Variants in LHPP observed in about 807,000 individuals in gnomAD.
LHPP encodes phospholysine phosphohistidine inorganic pyrophosphate phosphatase, also known as hLHPP.
A neutral mutation model predicts 30.3 loss-of-function variants in LHPP; 24 were observed. That is an observed-to-expected ratio of 0.79 (90% confidence interval 0.57 to 1.11). LHPP has a LOEUF of 1.11. Among genes scored for constraint, LHPP ranks in the 50% most tolerant of loss-of-function variants. The pLI is 0.00. For synonymous variants in LHPP, 150 were observed against 157.1 expected (o/e 0.95, Z 0.34); for missense variants, 356 against 367.2 (o/e 0.97, Z 0.25).
At chr10:124,473,255 A>G (rs1272646094) in intron 1 of LHPP, among the ~76,000 whole-genome samples, 1 of 152,208 alleles carries the variant, frequency 6.6e-6, no homozygotes, top group African/African-American at 2.4e-5. Flanking sequence ...ATATTGGCAA[A>G]GCAGTGCCAC....
intron 6 of LHPP, among the ~76,000 whole-genome samples, chr10:124,527,241 G>A (rs1954765601): frequency 6.6e-6 from 1 of 152,224 alleles, no homozygotes; most frequent in African/African-American, 2.4e-5. Flanking sequence ...GCTGTGTTCT[G>A]ATGCATCAGG....
chr10:124,572,807 T>G (rs1453694310), intron 6 of LHPP, among the ~76,000 whole-genome samples: 1 of 152,204 alleles, frequency 6.6e-6, no homozygotes, highest in Admixed American at 6.5e-5. Flanking sequence ...GGGCGTCATT[T>G]CATCACTGCA....
intron 5 of LHPP, among the ~76,000 whole-genome samples, chr10:124,513,073 AGTTTGTTTGTTT>A (rs113429645): frequency 7.2e-4 from 109 of 151,334 alleles, no homozygotes; most frequent in African/African-American, 2.5e-3. Context: ...GAAGACATGT[AGTTTGTTTGTTT>A]GTTTGTTTGT....
intron 6 of LHPP, among the ~76,000 whole-genome samples, chr10:124,557,083 G>A (rs58382991): frequency 0.051 from 7,763 of 152,148 alleles, 290 homozygotes; most frequent in African/African-American, 0.086. Flanking sequence ...CCAACTCCTC[G>A]AAGTGTTGAG....
At chr10:124,608,263 C>T (rs943330509) in intron 6 of LHPP, among the ~76,000 whole-genome samples, 5 of 152,106 alleles carry the variant, frequency 3.3e-5, no homozygotes, top group Admixed American at 1.3e-4. Flanking sequence ...TGTGTCCGTC[C>T]GTCTGCCTGT....
chr10:124,509,256 A>C (rs1954241191), intron 5 of LHPP, among the ~76,000 whole-genome samples: 1 of 152,056 alleles, frequency 6.6e-6, no homozygotes, highest in Non-Finnish European at 1.5e-5. Context: ...CACTTTAACG[A>C]AGCAGTTTTC....
rs1411695275 is a variant in LHPP, at chr10:124,488,422, G to A, written c.314G>A (p.Gly105Glu). 1 of 1,613,762 alleles carries A rather than the reference G, an allele frequency of 6.2e-7. No individual in the cohort carries two copies. Among genetic ancestry groups the A allele is most frequent in the African/African-American group, 1.3e-5 (1 of 74,892 alleles). The change falls in exon 3 of 7, where the codon GGA becomes GAA. Residue 105 changes from glycine (G) to glutamate (E), a missense_variant and splice_region_variant. Physicochemically the swap from Gly to Glu is moderately conservative, Grantham distance 98. Transcript: ENST00000368842. ...ACTCTGTCTCTCTCTCTCTTTCCAG[G>A]AGTCCGCTCAGAATTTGATCAGATC... ...GLRPYLLIHD[G>E]VRSEFDQIDT...
At chr10:124,578,942 C>T (rs1948707834) in intron 6 of LHPP, among the ~76,000 whole-genome samples, 1 of 141,936 alleles carries the variant, frequency 7.0e-6, no homozygotes, top group South Asian at 2.4e-4. Flanking sequence ...GAAGGGATTC[C>T]CAGGGGCAGG....
chr10:124,485,465 CGT>C (rs1253053944), intron 2 of LHPP, among the ~76,000 whole-genome samples: 1 of 151,876 alleles, frequency 6.6e-6, no homozygotes, highest in Non-Finnish European at 1.5e-5. Flanking sequence ...ATCCTGCATC[CGT>C]GTTTTCAATA....
chr10:124,494,700 A>G (rs1953653083), intron 3 of LHPP, among the ~76,000 whole-genome samples: 1 of 152,052 alleles, frequency 6.6e-6, no homozygotes, highest in Non-Finnish European at 1.5e-5. Context: ...CTTTTAGCTC[A>G]GGTCTCAGCT....
rs1302752342 is a variant in LHPP, at chr10:124,492,744, C to T, written c.467+4169C>T. Among the ~76,000 whole-genome samples, 5 of 152,204 alleles carry T rather than the reference C, an allele frequency of 3.3e-5. No homozygotes were observed. The East Asian group carries it at 5.8e-4, about 18-fold the overall frequency. ...AACTTACACCCATTGCAATTTAGGTCGCTGCTATGGAGCAAGCCACAGAAC... is the reference window on the plus strand; with the variant it reads ...AACTTACACCCATTGCAATTTAGGTTGCTGCTATGGAGCAAGCCACAGAAC... On this transcript the variant is annotated intron_variant, in intron 3 of 6. Transcript: ENST00000368842.
intron 6 of LHPP, among the ~76,000 whole-genome samples, chr10:124,599,877 G>A (rs1948999497): frequency 6.6e-6 from 1 of 152,212 alleles, no homozygotes; most frequent in African/African-American, 2.4e-5. Context: ...GGTCCCAACT[G>A]GGTCCCCCAG....
chr10:124,531,539 C>G (rs1954903201), intron 6 of LHPP, among the ~76,000 whole-genome samples: 1 of 152,240 alleles, frequency 6.6e-6, no homozygotes. Context: ...CTCTGGACTC[C>G]GTCCTGGAGC....
In LHPP at chr10:124,513,136, C is replaced by A. The variant is rs575825567; in HGVS notation, c.625-4044C>A. Reference sequence around the variant, plus strand: ...CAGAGTTTTGCTCTTCTCGCCCAGGCTGGAGTGCAATGGTTGCAATCTTGG... The same window carrying A: ...CAGAGTTTTGCTCTTCTCGCCCAGGATGGAGTGCAATGGTTGCAATCTTGG... On this transcript the variant is annotated intron_variant, in intron 5 of 6. Transcript: ENST00000368842. 2.6e-5 allele frequency among the ~76,000 whole-genome samples: 4 copies of A among 152,294 alleles called. No individual in the cohort carries two copies. The East Asian group carries it at 5.8e-4, about 22-fold the overall frequency.
At chr10:124,467,915 G>C (rs542554326) in intron 1 of LHPP, among the ~76,000 whole-genome samples, 61 of 152,198 alleles carry the variant, frequency 4.0e-4, no homozygotes, top group African/African-American at 1.5e-3. Flanking sequence ...TCACCATGTT[G>C]ACCAGGCTGG....
At chr10:124,499,002 C>T (rs1389937654) in intron 5 of LHPP, among the ~76,000 whole-genome samples, 1 of 151,854 alleles carries the variant, frequency 6.6e-6, no homozygotes, top group Non-Finnish European at 1.5e-5. Context: ...CTGCCTCAGC[C>T]TCCTGATGAG....
At chr10:124,556,851 G>C (rs972198429) in intron 6 of LHPP, among the ~76,000 whole-genome samples, 5 of 151,988 alleles carry the variant, frequency 3.3e-5, no homozygotes, top group African/African-American at 1.2e-4. Context: ...AGTCTTTTTT[G>C]TATGTTTTTT....
Position 124,478,159 on chromosome 10 carries a change from A to G in LHPP, c.126-5980A>G, listed in dbSNP as rs560998354. Among the ~76,000 whole-genome samples the G allele has an allele frequency of 6.6e-6, 1 of 152,346 alleles. No homozygotes were observed. Among genetic ancestry groups the G allele is most frequent in the Admixed American group, 6.5e-5 (1 of 15,310 alleles). On this transcript the variant is annotated intron_variant, in intron 1 of 6. Transcript: ENST00000368842. The surrounding 1 kb of genome is among the most constrained non-coding windows in gnomAD (Gnocchi z 4.7). ...GCAGGAGGAGGGAGGTGGTGATGTCAGGACCAGAGCAGCACCAAGGGCTGT... is the reference window on the plus strand; with the variant it reads ...GCAGGAGGAGGGAGGTGGTGATGTCGGGACCAGAGCAGCACCAAGGGCTGT...
Position 124,475,030 on chromosome 10 carries a change from C to CTTTTTTTTTTTTTTTTTTTTTTTTT in LHPP, c.126-9099_126-9098insTTTTTTTTTTTTTTTTTTTTTTTTT, listed in dbSNP as rs57739169. ...GAAATGTGCCAGGTGCTTCTCATGT[C>CTTTTTTTTTTTTTTTTTTTTTTTTT]TTTTTTTTTTGAAATGGAGTCTCGC... On this transcript the variant is annotated intron_variant, in intron 1 of 6. Coordinates refer to ENST00000368842, the MANE Select transcript of LHPP (RefSeq NM_022126.4). Among the ~76,000 whole-genome samples, 3 of 98,656 alleles carry CTTTTTTTTTTTTTTTTTTTTTTTTT rather than the reference C, an allele frequency of 3.0e-5. 1 individual carries two copies. Among genetic ancestry groups the CTTTTTTTTTTTTTTTTTTTTTTTTT allele is most frequent in the Admixed American group, 2.6e-4 (2 of 7,552 alleles). 64.7% of individuals were successfully genotyped at this position (98,656 alleles called of 152,430 possible).
Sources: gnomAD v4.1 joint callset for allele counts (sites outside exome capture counted in the v4.1 genomes callset) on GRCh38, gnomAD v4.1.1 for gene constraint, Gnocchi (gnomAD v3.1) non-coding constraint, MANE v1.5 for transcripts, NCBI Gene and HGNC (gene_info 2026-07-23, HGNC 2026-07-21) for gene names.